The following STAB2 variants were observed in gnomAD, a reference collection of about 807,000 sequenced individuals.
STAB2 encodes the protein stabilin-2.
Under a neutral mutation model 338.1 loss-of-function variants are expected in STAB2, and 288 were observed. That is an observed-to-expected ratio of 0.85 (90% CI 0.77 to 0.94). STAB2 has a LOEUF of 0.94. Ranked by LOEUF, STAB2 falls within the 40% of genes least tolerant of loss-of-function variation. STAB2 has a pLI of 0.00. For missense variants in STAB2, 3,141 were observed against 3,210.1 expected, an observed-to-expected ratio of 0.98 and a Z score of 0.52; for synonymous variants, 1,202 against 1,193.3, an observed-to-expected ratio of 1.01 and a Z score of -0.15.
intron 67 of STAB2, among the ~76,000 whole-genome samples, chr12:103,763,135 A>G (rs1387109552): frequency 1.3e-5 from 2 of 152,190 alleles, no homozygotes; most frequent in African/African-American, 2.4e-5. Flanking sequence ...GTATGACTGC[A>G]TTTATATTAA....
In STAB2 at chr12:103,688,161, G is replaced by A. The variant is rs753065078; in HGVS notation, c.2998-7G>A. Reference sequence around the variant, plus strand: ...TCTTCTTCCCTCCCTTGCATGATATGAATAAGGAATTGTCATTTCTCTCCG... The same window carrying A: ...TCTTCTTCCCTCCCTTGCATGATATAAATAAGGAATTGTCATTTCTCTCCG... On this transcript the variant is annotated splice_region_variant and splice_polypyrimidine_tract_variant and intron_variant, in intron 27 of 68. Transcript: ENST00000388887. 1 of 1,613,198 alleles carries A rather than the reference G, an allele frequency of 6.2e-7. No homozygotes were observed. Among genetic ancestry groups the A allele is most frequent in the Non-Finnish European group, 8.5e-7 (1 of 1,179,232 alleles).
chr12:103,702,022 A>ACC lies in STAB2; in HGVS notation c.3715-1123_3715-1122dup, dbSNP rs1328266670. The stretch of plus-strand genomic sequence containing the variant: ...CACACACACACACACACACACACAC[A>ACC]CCCCACCCCAATTTTTCAAAGAATG... On this transcript the variant is annotated intron_variant, in intron 34 of 68. Transcript: ENST00000388887. 6.0e-4 allele frequency among the ~76,000 whole-genome samples: 73 copies of ACC among 122,412 alleles called. 2 individuals carry two copies. The South Asian group carries it at 0.017, about 29-fold the overall frequency. The allele number at this position is 122,412 out of a possible 152,430, so 80.3% of individuals were successfully genotyped here.
chr12:103,612,871 G>A (rs1957148037), intron 3 of STAB2, among the ~76,000 whole-genome samples: 1 of 152,122 alleles, frequency 6.6e-6, no homozygotes, highest in Admixed American at 6.6e-5. Flanking sequence ...TTTTGGTGTG[G>A]ATGTCCTTTC....
intron 5 of STAB2, among the ~76,000 whole-genome samples, chr12:103,630,520 G>A (rs1183105531): frequency 6.6e-6 from 1 of 152,218 alleles, no homozygotes; most frequent in East Asian, 1.9e-4. Context: ...TATGGCAAAG[G>A]AGAATTAAGG....
Position 103,685,077 on chromosome 12 carries a change from C to T in STAB2, c.2990C>T (p.Ala997Val), listed in dbSNP as rs541154627. ...GATGGCTTTCTGTGCTATGGAAACG[C>T]AGCAGTGGTAAGTCATCGATGATGA... The part of the protein sequence containing the change: ...EGDGFLCYGN[A>V]AVELSFLSEA... The change falls in exon 27 of 69, where the codon GCA becomes GTA. Residue 997 changes from alanine (A) to valine (V), a missense_variant. Transcript: ENST00000388887. The T allele has an allele frequency of 5.5e-5, 89 of 1,613,790 alleles. 4 individuals carry two copies. In the South Asian group the frequency reaches 8.8e-4, roughly 16 times the overall value.
At chr12:103,671,172 C>T (rs780190231) in intron 22 of STAB2, among the ~76,000 whole-genome samples, 8 of 152,198 alleles carry the variant, frequency 5.3e-5, no homozygotes, top group Non-Finnish European at 8.8e-5. Flanking sequence ...CAGATTCAGG[C>T]CAGACACAGT....
chr12:103,702,758 A>G (rs12424907), intron 34 of STAB2, among the ~76,000 whole-genome samples: 5,661 of 152,338 alleles, frequency 0.037, 183 homozygotes, highest in East Asian at 0.15. Flanking sequence ...CTACAGCACA[A>G]CTGAGCAAGT....
Position 103,759,145 on chromosome 12 carries a change from C to T in STAB2, c.7120C>T (p.Arg2374Trp), listed in dbSNP as rs112523896. 8.7e-5 allele frequency: 141 copies of T among 1,614,082 alleles called. No individual in the cohort carries two copies. Among genetic ancestry groups the T allele is most frequent in the East Asian group, 4.7e-4 (21 of 44,872 alleles). Residue 2374 changes from arginine to tryptophan, a missense_variant, in exon 65 of 69, where the codon CGG (arginine) becomes TGG (tryptophan). Transcript: ENST00000388887. The stretch of plus-strand genomic sequence containing the variant: ...CCTTTTTTCTCAGACCTTGTCTGGG[C>T]GGGACATCGAGCACCACCTCGCCAA... ...GLGENETLSG[R>W]DIEHHLANVS...
At chr12:103,632,921 C>T (rs1055856253) in intron 6 of STAB2, among the ~76,000 whole-genome samples, 6 of 152,190 alleles carry the variant, frequency 3.9e-5, no homozygotes, top group Admixed American at 2.6e-4. Context: ...ACTTTAGTCT[C>T]CTGTAAAATG....
intron 65 of STAB2, 121 bp from the exon 66 acceptor site, chr12:103,761,179 A>G (rs1271533578): frequency 1.2e-6 from 1 of 812,968 alleles, no homozygotes; most frequent in Non-Finnish European, 2.0e-6. Flanking sequence ...TGGGCTGCCT[A>G]TCAGTGGAGA....
At chr12:103,714,306 G>C (rs1019362060) in intron 42 of STAB2, among the ~76,000 whole-genome samples, 19 of 152,118 alleles carry the variant, frequency 1.2e-4, no homozygotes, top group Admixed American at 1.2e-3. Flanking sequence ...ATAGTAAGTT[G>C]TCTGAATTTA....
chr12:103,691,229 A>T (rs1261002210), intron 30 of STAB2, among the ~76,000 whole-genome samples: 4 of 152,244 alleles, frequency 2.6e-5, no homozygotes, highest in African/African-American at 9.6e-5. Context: ...GAGAATGAAG[A>T]TTCCACTGCA....
intron 9 of STAB2, among the ~76,000 whole-genome samples, chr12:103,648,157 A>G (rs1446192435): frequency 6.6e-6 from 1 of 152,200 alleles, no homozygotes; most frequent in Non-Finnish European, 1.5e-5. Flanking sequence ...AGTATATATA[A>G]TGGAGACACA....
chr12:103,629,748 T>A (rs1460812508), intron 5 of STAB2, among the ~76,000 whole-genome samples: 1 of 152,214 alleles, frequency 6.6e-6, no homozygotes, highest in Non-Finnish European at 1.5e-5. Flanking sequence ...CATTGGTTGG[T>A]CATGTCATAG....
At chr12:103,721,579 CT>C (rs1566046778) in intron 44 of STAB2, among the ~76,000 whole-genome samples, 1 of 152,224 alleles carries the variant, frequency 6.6e-6, no homozygotes, top group East Asian at 1.9e-4. Context: ...GCTGTGATGA[CT>C]ATGCAGGATA....
Position 103,737,618 on chromosome 12 carries a change from T to C in STAB2, c.5551-16T>C. On this transcript the variant is annotated splice_polypyrimidine_tract_variant and intron_variant, in intron 52 of 68. Transcript: ENST00000388887. The stretch of plus-strand genomic sequence containing the variant: ...TCTCTCTCTTTCTCTTTTTTTTTTT[T>C]TTTTTTCTTTCTTAGGGTGACCTCT... The C allele has an allele frequency of 6.6e-7, 1 of 1,522,556 alleles. No homozygotes were observed. The highest frequency in any genetic ancestry group is 8.7e-7 in the Non-Finnish European group (1 of 1,143,386). 94.3% of individuals were successfully genotyped at this position (1,522,556 alleles called of 1,614,324 possible).
chr12:103,666,222 G>A (rs767605917), intron 18 of STAB2, 69 bp from the exon 19 acceptor site: 29 of 1,503,702 alleles, frequency 1.9e-5, no homozygotes, highest in Non-Finnish European at 2.7e-5. Context: ...CATGAAACCA[G>A]CCACAGGACC....
Position 103,703,548 on chromosome 12 carries a change from G to C in STAB2, c.3843+272G>C, listed in dbSNP as rs535551171. 2.2e-4 allele frequency among the ~76,000 whole-genome samples: 34 copies of C among 152,230 alleles called. 1 individual carries two copies. The highest frequency in any genetic ancestry group is 3.4e-3 in the Middle Eastern group (1 of 294). On this transcript the variant is annotated intron_variant, in intron 35 of 68. Transcript: ENST00000388887. Reference sequence around the variant, plus strand: ...GGCTGCCAGGTGTGTGGGGATGGTGGGGGGGAGTGGTGTGCTGTGTTGGGC... The same window carrying C: ...GGCTGCCAGGTGTGTGGGGATGGTGCGGGGGAGTGGTGTGCTGTGTTGGGC...
At chr12:103,734,522 A>G (rs189631148) in intron 51 of STAB2, among the ~76,000 whole-genome samples, 3 of 152,280 alleles carry the variant, frequency 2.0e-5, no homozygotes, top group Non-Finnish European at 2.9e-5. Flanking sequence ...ATCATATGGG[A>G]GCAAACATGA....
Sources: gnomAD v4.1 joint callset for allele counts (sites outside exome capture counted in the v4.1 genomes callset) on GRCh38, gnomAD v4.1.1 for gene constraint, MANE v1.5 for transcripts, NCBI Gene and HGNC (gene_info 2026-07-23, HGNC 2026-07-21) for gene names.